CSNK1G1: variants seen among roughly 807,000 people sequenced by gnomAD.
The protein encoded by CSNK1G1 is casein kinase 1 gamma 1, also known as casein kinase I isoform gamma-1.
In CSNK1G1, 22 loss-of-function variants were observed where a neutral mutation model predicts 59.6. That is an observed-to-expected ratio of 0.37 (90% confidence interval 0.26 to 0.53). The LOEUF (loss-of-function observed/expected upper bound fraction) is 0.53. CSNK1G1 is among the 20% of genes least tolerant of loss of function. The pLI is 0.89. For synonymous variants in CSNK1G1, 179 were observed against 177.1 expected, an observed-to-expected ratio of 1.01 and a Z score of -0.08; for missense variants, 384 against 519.5, an observed-to-expected ratio of 0.74 and a Z score of 2.54.
At chr15:64,316,841 GC>G in intron 1 of CSNK1G1, 2 of 152,272 alleles carry the variant, frequency 1.3e-5, no homozygotes, top group Non-Finnish European at 1.5e-5. Context: ...CGTGCATACA[GC>G]CCCCAGTCAC....
At chr15:64,203,746 C>T (rs761584360) in intron 9 of CSNK1G1, among the ~76,000 whole-genome samples, 1 of 150,126 alleles carries the variant, frequency 6.7e-6, no homozygotes, top group Non-Finnish European at 1.5e-5. Flanking sequence ...TCTGTTTGGC[C>T]CTGTGAACCC....
At chr15:64,209,548 G>A (rs1424994770) in intron 6 of CSNK1G1, among the ~76,000 whole-genome samples, 1 of 151,870 alleles carries the variant, frequency 6.6e-6, no homozygotes, top group African/African-American at 2.4e-5. Context: ...AAACTGAGTT[G>A]GTATACAACA....
At chr15:64,337,726 G>T (rs1897464471) in intron 1 of CSNK1G1, among the ~76,000 whole-genome samples, 1 of 152,104 alleles carries the variant, frequency 6.6e-6, no homozygotes, top group South Asian at 2.1e-4. Context: ...ACAATATTGT[G>T]TAACAGTCTC....
rs1158051849 is a variant in CSNK1G1 at position 64,204,869 on chromosome 15, A to G, written c.846T>C (p.Phe282=). Residue 282 remains phenylalanine (F), a synonymous_variant, in exon 8 of 12, where the codon TTT becomes TTC. Coordinates refer to ENST00000303052, the MANE Select transcript of CSNK1G1 (RefSeq NM_022048.5). The part of the protein sequence containing the change: ...NTPIEALCEN[F]PEEMATYLRY... ...AATGTCTTTTTAGCATCCCACCTGGAAAGTTCTCACAGAGAGCTTCAATGG... is the reference window on the plus strand; with the variant it reads ...AATGTCTTTTTAGCATCCCACCTGGGAAGTTCTCACAGAGAGCTTCAATGG... The G allele has an allele frequency of 6.2e-7, 1 of 1,604,670 alleles. No homozygotes were observed. Among genetic ancestry groups the G allele is most frequent in the South Asian group, 1.1e-5 (1 of 90,846 alleles).
At chr15:64,284,308 G>C (rs1417655948) in intron 2 of CSNK1G1, among the ~76,000 whole-genome samples, 1 of 152,058 alleles carries the variant, frequency 6.6e-6, no homozygotes, top group Non-Finnish European at 1.5e-5. Flanking sequence ...TGGGTTTCTT[G>C]AAATTCCGTA....
chr15:64,203,698 A>T (rs2140248033), intron 9 of CSNK1G1, among the ~76,000 whole-genome samples: 1 of 145,446 alleles, frequency 6.9e-6, no homozygotes, highest in South Asian at 2.1e-4. Flanking sequence ...ACTCCGTAAA[A>T]AAAAAAAAAA....
chr15:64,299,359 C>T (rs1042939333), intron 2 of CSNK1G1, among the ~76,000 whole-genome samples: 1 of 152,046 alleles, frequency 6.6e-6, no homozygotes, highest in African/African-American at 2.4e-5. Flanking sequence ...GAGGCCGAGG[C>T]GGGCGGATCA....
chr15:64,192,397 T>G (rs527734778), intron 10 of CSNK1G1, among the ~76,000 whole-genome samples: 2 of 152,364 alleles, frequency 1.3e-5, no homozygotes, highest in African/African-American at 4.8e-5. Flanking sequence ...ATTGGTTTAC[T>G]ATGTAGTAGG....
intron 1 of CSNK1G1, among the ~76,000 whole-genome samples, chr15:64,354,678 C>CTGT (rs751365704): frequency 6.6e-6 from 1 of 152,088 alleles, no homozygotes; most frequent in Non-Finnish European, 1.5e-5. Flanking sequence ...GCTGCCTTGA[C>CTGT]TGTGTATGAT....
chr15:64,289,898 G>C (rs572186562), intron 2 of CSNK1G1, among the ~76,000 whole-genome samples: 1 of 151,834 alleles, frequency 6.6e-6, no homozygotes, highest in Admixed American at 6.6e-5. Context: ...ATGAAAAAAC[G>C]CTCAAAAGAA....
At chr15:64,205,894 TAGAAAGCCTAC>T (rs2082172311) in intron 7 of CSNK1G1, among the ~76,000 whole-genome samples, 1 of 152,232 alleles carries the variant, frequency 6.6e-6, no homozygotes, top group South Asian at 2.1e-4. Context: ...GACAATAGTC[TAGAAAGCCTAC>T]AGCAAAATGA....
chr15:64,351,560 G>C (rs1011635193), intron 1 of CSNK1G1, among the ~76,000 whole-genome samples: 1 of 152,194 alleles, frequency 6.6e-6, no homozygotes, highest in Non-Finnish European at 1.5e-5. Context: ...CTAGCAGCTA[G>C]TATACTATCT....
intron 2 of CSNK1G1, among the ~76,000 whole-genome samples, chr15:64,277,895 T>C (rs1161431076): frequency 7.3e-6 from 1 of 137,808 alleles, no homozygotes; most frequent in South Asian, 2.1e-4. Flanking sequence ...ATTTAATATA[T>C]TGATATTGAT....
At chr15:64,269,949 GCACGCC>G (rs1160646713) in intron 2 of CSNK1G1, among the ~76,000 whole-genome samples, 1 of 152,044 alleles carries the variant, frequency 6.6e-6, no homozygotes, top group African/African-American at 2.4e-5. Context: ...AATTACAGGT[GCACGCC>G]ACCAGACCTG....
In CSNK1G1 at chr15:64,168,440, G is replaced by C. The variant is rs1003439735; in HGVS notation, c.*3491C>G. ...TGATACCCTGGTCAAAAGGGAGTAG[G>C]GGGGACCATTTATGCCTTGGTGGAG... is the stretch of plus-strand genomic sequence containing the variant. On this transcript the variant is annotated 3_prime_UTR_variant, in exon 12 of 12. Coordinates refer to ENST00000303052, the MANE Select transcript of CSNK1G1 (RefSeq NM_022048.5). The C allele has an allele frequency of 7.2e-5, 11 of 152,262 alleles. No individual in the cohort carries two copies. Among genetic ancestry groups the C allele is most frequent in the African/African-American group, 2.7e-4 (11 of 41,450 alleles). The allele number at this position is 152,262 out of a possible 1,614,324, so 9.4% of individuals were successfully genotyped here.
intron 6 of CSNK1G1, 40 bp from the exon 7 acceptor site, chr15:64,207,634 T>C: frequency 6.6e-7 from 1 of 1,525,924 alleles, no homozygotes; most frequent in Non-Finnish European, 9.1e-7. Flanking sequence ...TTTGCAGTTA[T>C]TAAAGCAGAA....
In CSNK1G1 at chr15:64,296,682, T is replaced by C. The variant is rs563086950; in HGVS notation, c.181+3637A>G. Among the ~76,000 whole-genome samples the C allele has an allele frequency of 3.3e-5, 5 of 152,024 alleles. No individual in the cohort carries two copies. In the South Asian group the frequency reaches 1.0e-3, roughly 32 times the overall value. ...GAGTTCGAGACCAGCCTGGCCAACA[T>C]GGTGAAACCCTGCCTCAACTAAAAA... On this transcript the variant is annotated intron_variant, in intron 2 of 11. Coordinates refer to ENST00000303052, the MANE Select transcript of CSNK1G1 (RefSeq NM_022048.5).
intron 10 of CSNK1G1, among the ~76,000 whole-genome samples, chr15:64,182,699 A>G (rs1213762611): frequency 6.6e-6 from 1 of 152,236 alleles, no homozygotes; most frequent in Admixed American, 6.5e-5. Context: ...ATGGTTTAGC[A>G]AGCAAACACA....
At chr15:64,220,378 A>C (rs1243524618) in intron 4 of CSNK1G1, among the ~76,000 whole-genome samples, 1 of 152,078 alleles carries the variant, frequency 6.6e-6, no homozygotes, top group Admixed American at 6.5e-5. Context: ...TATAGGCATG[A>C]GCCACCATGC....
Sources: gnomAD v4.1 joint callset for allele counts (sites outside exome capture counted in the v4.1 genomes callset) on GRCh38, gnomAD v4.1.1 for gene constraint, MANE v1.5 for transcripts, NCBI Gene and HGNC (gene_info 2026-07-23, HGNC 2026-07-21) for gene names.